GSDME: variants seen among roughly 807,000 people sequenced by gnomAD.
GSDME encodes the protein gasdermin-E.
A neutral mutation model predicts 47.5 loss-of-function variants in GSDME; 44 were observed. The observed-to-expected ratio is 0.93, with a 90% CI of 0.73 to 1.19. The LOEUF (loss-of-function observed/expected upper bound fraction) is 1.19, where lower values mean the gene tolerates loss of function less well. Among genes scored for constraint, GSDME ranks in the 50% most tolerant of loss-of-function variants. The pLI, the probability that GSDME is intolerant of heterozygous loss-of-function variation, is 0.00. For synonymous variants in GSDME, 258 were observed against 252.8 expected, an observed-to-expected ratio of 1.02 and a Z score of -0.20; for missense variants, 663 against 604.2, an observed-to-expected ratio of 1.10 and a Z score of -1.02.
Position 24,699,037 on chromosome 7 carries a change from C to T in GSDME, c.1480G>A (p.Glu494Lys). 1 of 1,612,026 alleles carries T rather than the reference C, an allele frequency of 6.2e-7. No individual in the cohort carries two copies. The highest frequency in any genetic ancestry group is 8.5e-7 in the Non-Finnish European group (1 of 1,178,146). Residue 494 changes from glutamate (E) to lysine (K), a missense_variant, in exon 10 of 10, where the codon GAA (glutamate) becomes AAA (lysine). Physicochemically the swap from Glu to Lys is moderately conservative, Grantham distance 56. Coordinates refer to ENST00000645220, the MANE Select transcript of GSDME (RefSeq NM_001127453.2). ...TLNGLCALGR[E>K]HS is the part of the protein sequence containing the mutation. ...GTTCACATATGACATCATGAATGTT[C>T]TCTGCCTAAAGCACAGAGTCCATTC...
At chr7:24,766,233 A>C in the GSDME span, among the ~76,000 whole-genome samples, 6 of 147,154 alleles carry the variant, frequency 4.1e-5, no homozygotes, top group South Asian at 1.3e-3. This position sits in a 1 kb window ranked among gnomAD's most constrained non-coding sequence, Gnocchi z 4.2. Context: ...GCCTGTTTTC[A>C]CAGTCAGCCT....
At chr7:24,715,583 CA>C (rs746897665) in intron 5 of GSDME, 6 of 449,722 alleles carry the variant, frequency 1.3e-5, no homozygotes, top group African/African-American at 1.0e-4. Context: ...GCTAGAAACC[CA>C]AAAGTGCAGA....
At chr7:24,784,626 CTTTTTTTTTTT>C in the GSDME span, among the ~76,000 whole-genome samples, 2 of 124,316 alleles carry the variant, frequency 1.6e-5, no homozygotes, top group Admixed American at 8.4e-5. Context: ...TTTCTTCTTC[CTTTTTTTTTTT>C]TTTTTTTTTG....
intron 1 of GSDME, among the ~76,000 whole-genome samples, chr7:24,753,695 T>A (rs1238460492): frequency 6.6e-6 from 1 of 152,268 alleles, no homozygotes; most frequent in Non-Finnish European, 1.5e-5. Flanking sequence ...AATCTCAGCC[T>A]AGTTTTAGGT....
At chr7:24,707,767 G>A (rs1324165075) in intron 7 of GSDME, 3 of 469,850 alleles carry the variant, frequency 6.4e-6, no homozygotes, top group Non-Finnish European at 1.1e-5. Context: ...GGAACACTAG[G>A]AGCCATCCGC....
rs1378010711 is a variant in GSDME, at chr7:24,712,834, C to T, written c.698-2446G>A. ...AGGAGTTTGAGACCAGCCTGACCAA[C>T]ATGGAGAAACCTCGTCTTTACTAAA... On this transcript the variant is annotated intron_variant, in intron 5 of 9. Coordinates refer to ENST00000645220, the MANE Select transcript of GSDME (RefSeq NM_001127453.2). The surrounding 1 kb of genome is among the most constrained non-coding windows in gnomAD (Gnocchi z 4.4). Among the ~76,000 whole-genome samples the T allele has an allele frequency of 1.3e-5, 2 of 152,124 alleles. No homozygotes were observed. Among genetic ancestry groups the T allele is most frequent in the East Asian group, 1.9e-4 (1 of 5,182 alleles).
At position 24,724,625 on chromosome 7, in the gene GSDME, CA is replaced by C. The variant is rs1789906996; in HGVS notation, c.405-5408del. The C allele has an allele frequency of 6.6e-6, 1 of 152,340 alleles. No homozygotes were observed. Among genetic ancestry groups the C allele is most frequent in the Non-Finnish European group, 1.5e-5 (1 of 68,124 alleles). 9.4% of individuals were successfully genotyped at this position (152,340 alleles called of 1,614,324 possible). On this transcript the variant is annotated intron_variant, in intron 3 of 9. Transcript: ENST00000645220. The surrounding 1 kb of genome is among the most constrained non-coding windows in gnomAD (Gnocchi z 4.8). ...TCGAGAAGAACTCCCTCTCCTCACT[CA>C]GGGGCTTGGCTCAACTCCGCCCACC...
At chr7:24,780,450 A>C in the GSDME span, among the ~76,000 whole-genome samples, 1 of 152,212 alleles carries the variant, frequency 6.6e-6, no homozygotes, top group African/African-American at 2.4e-5. The surrounding 1 kb of genome is among the most constrained non-coding windows in gnomAD (Gnocchi z 4.1). Flanking sequence ...ATAACCAAGA[A>C]ACATAACATC....
chr7:24,753,553 G>A (rs1790922592), intron 1 of GSDME, among the ~76,000 whole-genome samples: 1 of 152,168 alleles, frequency 6.6e-6, no homozygotes, highest in African/African-American at 2.4e-5. Context: ...CTAGAACAAT[G>A]GGTAAATGCA....
At position 24,726,170 on chromosome 7, in the gene GSDME, C is replaced by T. The variant is rs1195733251; in HGVS notation, c.405-6952G>A. 1.3e-5 allele frequency among the ~76,000 whole-genome samples: 2 copies of T among 152,204 alleles called. No individual in the cohort carries two copies. Among genetic ancestry groups the T allele is most frequent in the Non-Finnish European group, 2.9e-5 (2 of 68,038 alleles). On this transcript the variant is annotated intron_variant, in intron 3 of 9. Coordinates refer to ENST00000645220, the MANE Select transcript of GSDME (RefSeq NM_001127453.2). This position sits in a 1 kb window ranked among gnomAD's most constrained non-coding sequence, Gnocchi z 5.6. ...CCCAGGCCCAGCCCTAATGAAGCCG[C>T]CTCCTCTCCCAGCCTGAAGCTTTAA...
rs553516930 is a variant in GSDME, at chr7:24,713,739, G to C, written c.698-3351C>G. ...GGTGTCTGAGCAGGTGAGTGAAGTG[G>C]TCAATTTTAAAACAATCCCATTAGC... On this transcript the variant is annotated intron_variant, in intron 5 of 9. Transcript: ENST00000645220. Among the ~76,000 whole-genome samples the C allele has an allele frequency of 2.1e-4, 32 of 152,346 alleles. 1 individual carries two copies. The South Asian group carries it at 6.6e-3, about 32-fold the overall frequency.
chr7:24,702,069 T>A (rs1788891673), intron 9 of GSDME, among the ~76,000 whole-genome samples: 1 of 152,244 alleles, frequency 6.6e-6, no homozygotes, highest in Admixed American at 6.5e-5. Context: ...AATCAGACCG[T>A]GTGTGCTCAG....
chr7:24,753,848 A>T (rs932920750), intron 1 of GSDME, among the ~76,000 whole-genome samples: 9 of 152,206 alleles, frequency 5.9e-5, no homozygotes, highest in African/African-American at 2.2e-4. Flanking sequence ...AAATCTACCA[A>T]AATATAGGCT....
At chr7:24,699,591 C>T (rs1211874273) in intron 9 of GSDME, among the ~76,000 whole-genome samples, 1 of 152,162 alleles carries the variant, frequency 6.6e-6, no homozygotes, top group Non-Finnish European at 1.5e-5. Context: ...CTGCCCACCT[C>T]GGCCTCCCAA....
upstream of GSDME, among the ~76,000 whole-genome samples, chr7:24,760,473 T>C (rs1008100015): frequency 1.3e-5 from 2 of 152,184 alleles, no homozygotes; most frequent in African/African-American, 4.8e-5. The surrounding 1 kb of genome is among the most constrained non-coding windows in gnomAD (Gnocchi z 4.2). Context: ...TTAGGCAAAT[T>C]GTATAACTTC....
the GSDME span, among the ~76,000 whole-genome samples, chr7:24,792,540 G>A: frequency 9.0e-4 from 137 of 152,326 alleles, no homozygotes; most frequent in Admixed American, 2.5e-3. Flanking sequence ...AGTTTGAGGC[G>A]AAATTGACTT....
intron 5 of GSDME, chr7:24,715,349 CCA>C: frequency 2.4e-6 from 1 of 423,802 alleles, no homozygotes; most frequent in East Asian, 7.7e-5. Flanking sequence ...AGTGTCCTCA[CCA>C]CACACATGCA....
the GSDME span, among the ~76,000 whole-genome samples, chr7:24,784,322 T>C: frequency 4.2e-4 from 64 of 152,282 alleles, no homozygotes; most frequent in Non-Finnish European, 9.3e-4. Flanking sequence ...CTGACTCACG[T>C]GATCACAAGG....
At chr7:24,753,940 G>T (rs911153770) in intron 1 of GSDME, among the ~76,000 whole-genome samples, 3 of 152,160 alleles carry the variant, frequency 2.0e-5, no homozygotes, top group Admixed American at 6.5e-5. Context: ...TAACTAGTCA[G>T]CCAGGAAAGA....
Sources: gnomAD v4.1 joint callset for allele counts (sites outside exome capture counted in the v4.1 genomes callset) on GRCh38, gnomAD v4.1.1 for gene constraint, Gnocchi (gnomAD v3.1) non-coding constraint, MANE v1.5 for transcripts, NCBI Gene and HGNC (gene_info 2026-07-23, HGNC 2026-07-21) for gene names.